The following MID1 variants were observed in gnomAD, a reference collection of about 807,000 sequenced individuals.
MID1 encodes E3 ubiquitin-protein ligase Midline-1.
Under a neutral mutation model 40.4 loss-of-function variants are expected in MID1, and 7 were observed. That is an observed-to-expected ratio of 0.17 (90% CI 0.10 to 0.33). MID1 has a LOEUF of 0.33. Ranked by LOEUF, MID1 falls within the 10% of genes least tolerant of loss-of-function variation. The pLI is 1.00. For synonymous variants in MID1, 229 were observed against 221.2 expected, an observed-to-expected ratio of 1.04 and a Z score of -0.31; for missense variants, 367 against 558.5, an observed-to-expected ratio of 0.66 and a Z score of 3.46.
intron 2 of MID1, among the ~76,000 whole-genome samples, chrX:10,548,278 AC>A (rs1300776203): frequency 2.7e-5 from 3 of 111,012 alleles, no homozygotes; most frequent in Admixed American, 9.6e-5. Flanking sequence ...TCTCTATGAT[AC>A]CCCTCTCTAT....
intron 9 of MID1, among the ~76,000 whole-genome samples, chrX:10,454,064 AAGGGGTGC>A (rs1212335242): frequency 1.8e-5 from 2 of 112,542 alleles, no homozygotes; most frequent in East Asian, 2.8e-4. Context: ...CAGACGGTCA[AAGGGGTGC>A]AGTTGTGGCT....
At chrX:10,590,718 G>C (rs959750000) in intron 1 of MID1, among the ~76,000 whole-genome samples, 5 of 112,223 alleles carry the variant, frequency 4.5e-5, no homozygotes, top group African/African-American at 1.6e-4. Flanking sequence ...GATTCTTCTT[G>C]TATTATCAAA....
At chrX:10,565,449 A>G in intron 2 of MID1, 1 of 331,153 alleles carries the variant, frequency 3.0e-6, no homozygotes, top group Middle Eastern at 4.4e-4. Context: ...AGTAAACACA[A>G]CCACCCATTA....
rs1432667122 is a variant in MID1, at chrX:10,640,213, A to G, written c.-186-19794T>C. Among the ~76,000 whole-genome samples, 3 of 112,090 alleles carry G rather than the reference A, an allele frequency of 2.7e-5. No homozygotes were observed. The Admixed American group carries it at 2.8e-4, about 11-fold the overall frequency. On this transcript the variant is annotated intron_variant, in intron 1 of 10. Transcript: ENST00000380785. ...GCTAAATGCTCCAATTAAAAGACAC[A>G]GACTGGCAAATTGGATAAAGAGTCA...
At chrX:10,544,544 G>T (rs1933608358) in intron 2 of MID1, among the ~76,000 whole-genome samples, 1 of 112,184 alleles carries the variant, frequency 8.9e-6, no homozygotes, top group Non-Finnish European at 1.9e-5. Flanking sequence ...CTTACCAGAA[G>T]GCTTTTCAGA....
chrX:10,659,078 A>G (rs941843632), intron 1 of MID1, among the ~76,000 whole-genome samples: 3 of 111,955 alleles, frequency 2.7e-5, no homozygotes, highest in African/African-American at 9.8e-5. Context: ...TTGGAGCACA[A>G]ATCAATGTAG....
intron 2 of MID1, among the ~76,000 whole-genome samples, chrX:10,524,528 T>C (rs944210876): frequency 7.1e-5 from 8 of 112,918 alleles, no homozygotes; most frequent in African/African-American, 1.9e-4. Context: ...AAGCTTGATT[T>C]ACACCATTCA....
At chrX:10,449,743 A>C (rs753268732) in intron 9 of MID1, 27 bp from the exon 10 acceptor site, 2 of 1,076,421 alleles carry the variant, frequency 1.9e-6, no homozygotes, top group Admixed American at 4.4e-5. Flanking sequence ...GCAACAACAA[A>C]AACAATGAGC....
At chrX:10,649,022 TG>T (rs1436824602) in intron 1 of MID1, among the ~76,000 whole-genome samples, 1 of 112,249 alleles carries the variant, frequency 8.9e-6, no homozygotes, top group Non-Finnish European at 1.9e-5. Flanking sequence ...TTTTCACACA[TG>T]CTTCTTGCTT....
intron 2 of MID1, among the ~76,000 whole-genome samples, chrX:10,551,405 C>CT (rs766457842): frequency 2.2e-3 from 243 of 112,443 alleles, no homozygotes; most frequent in Non-Finnish European, 3.2e-3. Flanking sequence ...CTTTATAAGA[C>CT]TTTCTTGAAA....
chrX:10,533,346 AAG>A (rs1933065810), intron 2 of MID1, among the ~76,000 whole-genome samples: 1 of 80,484 alleles, frequency 1.2e-5, no homozygotes, highest in African/African-American at 4.7e-5. Context: ...GAAAGAAAGA[AAG>A]AAAGAAAGAA....
chrX:10,502,832 ATGTTCT>A (rs1172868087), intron 3 of MID1, among the ~76,000 whole-genome samples: 1 of 112,083 alleles, frequency 8.9e-6, no homozygotes, highest in African/African-American at 3.2e-5. Flanking sequence ...TGCTAGGTTG[ATGTTCT>A]TGTTATTGTT....
At chrX:10,797,853 C>A (rs758815725) in intron 1 of MID1, among the ~76,000 whole-genome samples, 4 of 111,680 alleles carry the variant, frequency 3.6e-5, no homozygotes, top group East Asian at 2.8e-4. Flanking sequence ...CCTTAAAAAT[C>A]TCCCCAGTGC....
intron 1 of MID1, among the ~76,000 whole-genome samples, chrX:10,820,824 G>A (rs1481534233): frequency 8.9e-6 from 1 of 112,380 alleles, no homozygotes; most frequent in Non-Finnish European, 1.9e-5. Context: ...CTGCAGGTAA[G>A]AATTAATAAT....
intron 1 of MID1, among the ~76,000 whole-genome samples, chrX:10,581,750 T>A (rs1344986301): frequency 8.9e-6 from 1 of 112,218 alleles, no homozygotes; most frequent in Non-Finnish European, 1.9e-5. Flanking sequence ...TTTTTATTCT[T>A]AACACTAATG....
At chrX:10,764,669 C>T (rs1005414281) in intron 1 of MID1, among the ~76,000 whole-genome samples, 4 of 111,520 alleles carry the variant, frequency 3.6e-5, no homozygotes, top group Non-Finnish European at 7.5e-5. Flanking sequence ...AATTTCTTAG[C>T]ACAAATTCTG....
rs193068577 is a variant in MID1, at chrX:10,524,477, G to A, written c.661-1290C>T. Among the ~76,000 whole-genome samples, 665 of 112,130 alleles carry A rather than the reference G, an allele frequency of 5.9e-3. 1 individual carries two copies. Among genetic ancestry groups the A allele is most frequent in the Non-Finnish European group, 8.6e-3 (460 of 53,199 alleles). ...ATTTGTGTTGGGCTGCATTCAAAGCGCTTCTGGGCTGCAGGTGGCCTTGCA... is the reference window on the plus strand; with the variant it reads ...ATTTGTGTTGGGCTGCATTCAAAGCACTTCTGGGCTGCAGGTGGCCTTGCA... On this transcript the variant is annotated intron_variant, in intron 2 of 9. Transcript: ENST00000317552.
At chrX:10,817,274 C>T (rs183462584) in intron 1 of MID1, among the ~76,000 whole-genome samples, 1 of 112,049 alleles carries the variant, frequency 8.9e-6, no homozygotes, top group East Asian at 2.8e-4. Context: ...AAGTGTTTTC[C>T]TCAGTGGTCT....
rs139326149 is a variant in MID1 at position 10,832,504 on chromosome X, T to C, written c.-187+1050A>G. ...GTTGCAGTCAGTAGCACAAACCTGCTCCCAAAACTCAGGATAAAGTCTGTA... is the reference window on the plus strand; with the variant it reads ...GTTGCAGTCAGTAGCACAAACCTGCCCCCAAAACTCAGGATAAAGTCTGTA... On this transcript the variant is annotated intron_variant, in intron 1 of 10. Transcript: ENST00000380785. Among the ~76,000 whole-genome samples the C allele has an allele frequency of 3.2e-3, 354 of 112,085 alleles. 1 individual carries two copies. The highest frequency in any genetic ancestry group is 6.8e-3 in the African/African-American group (209 of 30,858).
Sources: allele counts gnomAD v4.1 joint callset (sites outside exome capture counted in the v4.1 genomes callset), GRCh38; gene constraint gnomAD v4.1.1; transcripts MANE v1.5; gene names NCBI Gene and HGNC (gene_info 2026-07-23, HGNC 2026-07-21).